NFASC: variants seen among roughly 807,000 people sequenced by gnomAD.
NFASC encodes neurofascin.
A neutral mutation model predicts 147.5 loss-of-function variants in NFASC; 43 were observed. The ratio of observed to expected loss-of-function variants is 0.29; its 90% CI spans 0.23 to 0.38. NFASC has a LOEUF of 0.38. Ranked by LOEUF, NFASC falls within the 10% of genes least tolerant of loss-of-function variation. The pLI is 1.00. For synonymous variants in NFASC, 622 were observed against 665.5 expected, an observed-to-expected ratio of 0.93 and a Z score of 1.01; for missense variants, 1,320 against 1,689.0, an observed-to-expected ratio of 0.78 and a Z score of 3.83.
In NFASC at chr1:204,949,834, C is replaced by T. The variant is rs891576424; in HGVS notation, c.92-723C>T. On this transcript the variant is annotated intron_variant, in intron 3 of 29. Transcript: ENST00000339876. Reference sequence around the variant, plus strand: ...GAGCACACCTATACAAGCACATGCACACTTCAGGTAGGAGCTGGGGGAGAT... The same window carrying T: ...GAGCACACCTATACAAGCACATGCATACTTCAGGTAGGAGCTGGGGGAGAT... 9.9e-5 allele frequency among the ~76,000 whole-genome samples: 15 copies of T among 152,252 alleles called. 1 individual carries two copies. Among genetic ancestry groups the T allele is most frequent in the African/African-American group, 1.4e-4 (6 of 41,464 alleles).
intron 2 of NFASC, among the ~76,000 whole-genome samples, chr1:204,935,252 C>T (rs763937809): frequency 3.3e-5 from 5 of 152,058 alleles, no homozygotes; most frequent in African/African-American, 4.8e-5. Flanking sequence ...GAGTGATTGC[C>T]GTAAAGACAG....
At chr1:204,938,527 G>GC (rs1489336342) in intron 2 of NFASC, among the ~76,000 whole-genome samples, 2 of 152,048 alleles carry the variant, frequency 1.3e-5, no homozygotes, top group East Asian at 3.9e-4. Context: ...GCTTGCCCAA[G>GC]CCCCCCACCC....
At position 205,021,182 on chromosome 1, in the gene NFASC, T is replaced by C. The variant is rs1490273813; in HGVS notation, c.*4643T>C. ...CTTAACCTAGACAGGGGCTACCCCATGTGAGTCCAAGCCAGACTTTGTGGC... is the reference window on the plus strand; with the variant it reads ...CTTAACCTAGACAGGGGCTACCCCACGTGAGTCCAAGCCAGACTTTGTGGC... On this transcript the variant is annotated 3_prime_UTR_variant, in exon 30 of 30. Transcript: ENST00000339876. 1 of 152,444 alleles carries C rather than the reference T, an allele frequency of 6.6e-6. No homozygotes were observed. Among genetic ancestry groups the C allele is most frequent in the African/African-American group, 2.4e-5 (1 of 41,456 alleles). The allele number at this position is 152,444 out of a possible 1,614,324, so 9.4% of individuals were successfully genotyped here. A position where few individuals can be genotyped will look rare whatever the true frequency, so the allele number is the denominator to read the frequency against.
intron 1 of NFASC, among the ~76,000 whole-genome samples, chr1:204,860,544 C>G (rs1042124281): frequency 6.6e-6 from 1 of 152,212 alleles, no homozygotes; most frequent in African/African-American, 2.4e-5. Flanking sequence ...CACAGAAATT[C>G]TGCCCACTTC....
rs116426558 is a variant in NFASC at position 204,903,504 on chromosome 1, G to T, written c.-199-17128G>T. The stretch of plus-strand genomic sequence containing the variant: ...CTGATTATAGCTGGGCCTTTGTGGG[G>T]TGTCCCCCTCAGCCCCTCCTGTCCA... On this transcript the variant is annotated intron_variant, in intron 1 of 29. Transcript: ENST00000339876. Among the ~76,000 whole-genome samples the T allele has an allele frequency of 7.5e-3, 1,141 of 152,284 alleles. 15 individuals carry two copies. Among genetic ancestry groups the T allele is most frequent in the African/African-American group, 0.024 (987 of 41,576 alleles).
intron 27 of NFASC, among the ~76,000 whole-genome samples, chr1:205,003,909 T>G (rs558286291): frequency 6.6e-6 from 1 of 152,196 alleles, no homozygotes; most frequent in Admixed American, 6.5e-5. Context: ...CCTGCACATT[T>G]GCATGCCATC....
intron 28 of NFASC, among the ~76,000 whole-genome samples, chr1:205,012,470 C>A (rs1267764868): frequency 6.6e-6 from 1 of 152,152 alleles, no homozygotes; most frequent in East Asian, 1.9e-4. Flanking sequence ...GAGTGTTTGC[C>A]TTTGGCAAAG....
chr1:204,911,538 A>G (rs761015369), intron 1 of NFASC, among the ~76,000 whole-genome samples: 1 of 152,252 alleles, frequency 6.6e-6, no homozygotes, highest in Middle Eastern at 3.4e-3. Flanking sequence ...TTTTGTGTCT[A>G]TATCTGTGAG....
chr1:204,871,317 C>T (rs2077649377), intron 1 of NFASC, among the ~76,000 whole-genome samples: 1 of 152,104 alleles, frequency 6.6e-6, no homozygotes, highest in Non-Finnish European at 1.5e-5. Context: ...GTACTGGTCT[C>T]CTGTCCTAAA....
chr1:204,891,605 C>G (rs1419016272), intron 1 of NFASC, among the ~76,000 whole-genome samples: 1 of 152,154 alleles, frequency 6.6e-6, no homozygotes, highest in Admixed American at 6.5e-5. Context: ...GTATTTGGAG[C>G]CCTGTAAACA....
intron 1 of NFASC, among the ~76,000 whole-genome samples, chr1:204,917,276 A>C (rs181507255): frequency 6.6e-6 from 1 of 152,190 alleles, no homozygotes; most frequent in Non-Finnish European, 1.5e-5. Context: ...TTAAATGTCT[A>C]TAATGTCTAT....
chr1:204,936,062 G>T (rs1234003729), intron 2 of NFASC, among the ~76,000 whole-genome samples: 1 of 152,050 alleles, frequency 6.6e-6, no homozygotes, highest in East Asian at 1.9e-4. Context: ...GTGGGAGGGG[G>T]GTCCTGAGTC....
At chr1:204,869,063 C>T (rs1189309702) in intron 1 of NFASC, among the ~76,000 whole-genome samples, 1 of 152,170 alleles carries the variant, frequency 6.6e-6, no homozygotes, top group Non-Finnish European at 1.5e-5. Flanking sequence ...CTCCATTAGC[C>T]CTGTATTCAT....
chr1:205,012,924 C>G (rs1337083993), intron 29 of NFASC, 58 bp downstream of exon 29: 3 of 1,237,872 alleles, frequency 2.4e-6, no homozygotes, highest in Non-Finnish European at 3.6e-6. Flanking sequence ...CCTGAGGCAC[C>G]ACCCTCCCCT....
chr1:204,833,102 T>C (rs1415190404), intron 1 of NFASC, among the ~76,000 whole-genome samples: 1 of 152,252 alleles, frequency 6.6e-6, no homozygotes, highest in African/African-American at 2.4e-5. Context: ...TTGGTTAGAT[T>C]GTGCCAGCTT....
chr1:204,998,663 T>C (rs1299992334), intron 25 of NFASC: 48 of 152,180 alleles, frequency 3.2e-4, no homozygotes. Context: ...TGCTGGGGTA[T>C]TAGAAGCTGC....
At chr1:204,913,949 A>G (rs1219944556) in intron 1 of NFASC, among the ~76,000 whole-genome samples, 2 of 152,234 alleles carry the variant, frequency 1.3e-5, no homozygotes, top group Admixed American at 6.5e-5. Context: ...AATGAAAAAC[A>G]TGGAAACATA....
At chr1:204,981,262 T>C (rs2095504392) in intron 20 of NFASC, among the ~76,000 whole-genome samples, 1 of 152,264 alleles carries the variant, frequency 6.6e-6, no homozygotes, top group Non-Finnish European at 1.5e-5. Context: ...GACTGATTCC[T>C]GGGCCAGGCC....
chr1:204,975,395 C>T lies in NFASC; in HGVS notation c.1683C>T (p.Asp561=), dbSNP rs769564261. Residue 561 remains aspartate, a synonymous_variant, in exon 15 of 30, where the codon GAC becomes GAT. Coordinates refer to ENST00000339876, the MANE Select transcript of NFASC (RefSeq NM_001005388.3). This position sits in a 1 kb window ranked among gnomAD's most constrained non-coding sequence, Gnocchi z 4.0. ...TCACCGTCTCCTGGCTGAAGGATGA[C>T]GAGCCGCTCTATATTGGAAACAGGT... ...LKLTVSWLKD[D]EPLYIGNRMK... The T allele has an allele frequency of 3.0e-5, 48 of 1,613,800 alleles. No homozygotes were observed. Among genetic ancestry groups the T allele is most frequent in the South Asian group, 1.6e-4 (15 of 91,078 alleles).
Sources: gnomAD v4.1 joint callset for allele counts (sites outside exome capture counted in the v4.1 genomes callset) on GRCh38, gnomAD v4.1.1 for gene constraint, Gnocchi (gnomAD v3.1) non-coding constraint, MANE v1.5 for transcripts, NCBI Gene and HGNC (gene_info 2026-07-23, HGNC 2026-07-21) for gene names.